MASP1: variants seen among roughly 807,000 people sequenced by gnomAD.
The protein encoded by MASP1 is MBL associated serine protease 1, also known as mannan-binding lectin serine protease 1.
Under a neutral mutation model 77.1 loss-of-function variants are expected in MASP1, and 59 were observed. That is an observed-to-expected ratio of 0.77 (90% CI 0.62 to 0.95). The LOEUF (loss-of-function observed/expected upper bound fraction) is 0.95, where lower values mean the gene tolerates loss of function less well. Among genes scored for constraint, MASP1 ranks in the 40% least tolerant of loss-of-function variants. The pLI, the probability that MASP1 is intolerant of heterozygous loss-of-function variation, is 0.00. For missense variants in MASP1, 885 were observed against 912.9 expected (o/e 0.97, Z 0.39); for synonymous variants, 362 against 354.5 (o/e 1.02, Z -0.24).
intron 7 of MASP1, 91 bp from the exon 8 acceptor site, chr3:187,250,420 C>T (rs777406005): frequency 1.1e-5 from 10 of 913,156 alleles, no homozygotes; most frequent in Admixed American, 3.4e-5. Flanking sequence ...AAGCTCCACA[C>T]GTGTCTTGAT....
chr3:187,288,063 A>G (rs1717999436), intron 1 of MASP1, among the ~76,000 whole-genome samples: 1 of 152,218 alleles, frequency 6.6e-6, no homozygotes, highest in African/African-American at 2.4e-5. Context: ...AAATGTTTAC[A>G]TTTGTCAAGA....
intron 7 of MASP1, 51 bp downstream of exon 7, chr3:187,251,583 C>T (rs779408474): frequency 1.0e-5 from 15 of 1,501,538 alleles, no homozygotes; most frequent in African/African-American, 5.5e-5. Context: ...GGGCAGGTTT[C>T]GAGAGTTTCT....
At chr3:187,257,759 A>G (rs1163400169) in intron 4 of MASP1, among the ~76,000 whole-genome samples, 1 of 152,184 alleles carries the variant, frequency 6.6e-6, no homozygotes, top group East Asian at 1.9e-4. Context: ...ATTTTTAAGT[A>G]GACTGTAATC....
chr3:187,267,317 A>C (rs1716122182), intron 2 of MASP1, among the ~76,000 whole-genome samples: 1 of 152,192 alleles, frequency 6.6e-6, no homozygotes, highest in Admixed American at 6.5e-5. Flanking sequence ...GCCTTTCTGA[A>C]ATCTGCTCAG....
At chr3:187,231,372 T>C (rs148208449), downstream of MASP1, among the ~76,000 whole-genome samples, 78 of 152,310 alleles carry the variant, frequency 5.1e-4, no homozygotes, top group African/African-American at 1.5e-3. Flanking sequence ...CATTCCACAG[T>C]CTCTCCTTCT....
chr3:187,250,369 TG>T, intron 7 of MASP1, 40 bp from the exon 8 acceptor site: 1 of 1,472,986 alleles, frequency 6.8e-7, no homozygotes, highest in South Asian at 1.1e-5. Flanking sequence ...AAGAAGGAGG[TG>T]GGGGTGGTGT....
intron 2 of MASP1, among the ~76,000 whole-genome samples, chr3:187,264,309 C>T (rs192794645): frequency 4.6e-5 from 7 of 152,284 alleles, no homozygotes; most frequent in Admixed American, 2.0e-4. Flanking sequence ...AGATACCAGC[C>T]GAACTCACAC....
chr3:187,260,256 G>C (rs887013711), intron 4 of MASP1, among the ~76,000 whole-genome samples: 1 of 152,158 alleles, frequency 6.6e-6, no homozygotes, highest in Non-Finnish European at 1.5e-5. Context: ...AAGATAGATA[G>C]AAGGAATGGG....
intron 1 of MASP1, among the ~76,000 whole-genome samples, chr3:187,288,418 G>A (rs1718029655): frequency 6.6e-6 from 1 of 152,304 alleles, no homozygotes; most frequent in African/African-American, 2.4e-5. Context: ...CTGGCCCTGG[G>A]TCAAAAGAGC....
At position 187,235,104 on chromosome 3, in the gene MASP1, C is replaced by A. The variant is rs187727021; in HGVS notation, c.*580G>T. ...CAAGAAGCTTTTGGGAGAGAAACCC[C>A]AGGCATGAAGGTGCTCCAAGGGATC... On this transcript the variant is annotated 3_prime_UTR_variant, in exon 11 of 11. Transcript: ENST00000296280. The A allele has an allele frequency of 2.8e-5, 36 of 1,287,294 alleles. No homozygotes were observed. In the African/African-American group the frequency reaches 5.3e-4, roughly 19 times the overall value. The allele number at this position is 1,287,294 out of a possible 1,614,324, so 79.7% of individuals were successfully genotyped here. A position where few individuals can be genotyped will look rare whatever the true frequency, so the allele number is the denominator to read the frequency against.
exon 16 of MASP1, chr3:187,217,430 T>C (rs1711833217): frequency 6.6e-6 from 1 of 152,242 alleles, no homozygotes; most frequent in Admixed American, 6.5e-5. Flanking sequence ...ACAAACTGTA[T>C]TCTAGAGAGG....
intron 2 of MASP1, among the ~76,000 whole-genome samples, chr3:187,265,681 G>A (rs1015031989): frequency 6.6e-6 from 1 of 152,204 alleles, no homozygotes; most frequent in East Asian, 1.9e-4. Flanking sequence ...GAGAGGGGAA[G>A]TGACTTGCTC....
chr3:187,253,033 G>T, intron 6 of MASP1, 135 bp downstream of exon 6: 1 of 1,122,980 alleles, frequency 8.9e-7, no homozygotes, highest in Non-Finnish European at 1.3e-6. Context: ...CACGTGCCTT[G>T]GTCCCCAGCT....
At position 187,251,771 on chromosome 3, in the gene MASP1, A is replaced by T. The variant is rs376810695; in HGVS notation, c.893-19T>A. ...TCATTTCCTGGTGAGGAGCAAATGAAAGAACAGCAGGTGAGAAAAGAGAAT... is the reference window on the plus strand; with the variant it reads ...TCATTTCCTGGTGAGGAGCAAATGATAGAACAGCAGGTGAGAAAAGAGAAT... On this transcript the variant is annotated intron_variant, in intron 6 of 10. Transcript: ENST00000296280. The T allele has an allele frequency of 8.8e-6, 14 of 1,582,214 alleles. No homozygotes were observed. Among genetic ancestry groups the T allele is most frequent in the Non-Finnish European group, 1.2e-5 (14 of 1,151,004 alleles).
downstream of MASP1, chr3:187,229,716 G>A (rs759646454): frequency 1.2e-6 from 2 of 1,610,480 alleles, no homozygotes; most frequent in South Asian, 2.2e-5. Context: ...CTCCAAGGAG[G>A]GGGTTCAGTT....
exon 16 of MASP1, chr3:187,219,832 G>C (rs1205011188): frequency 7.1e-6 from 4 of 561,766 alleles, no homozygotes; most frequent in Admixed American, 2.9e-5. Flanking sequence ...CACCTGCCCA[G>C]CACTGCAAAC....
chr3:187,242,320 T>C (rs1314381067), intron 9 of MASP1: 1 of 152,294 alleles, frequency 6.6e-6, no homozygotes, highest in African/African-American at 2.4e-5. Flanking sequence ...GAGACCAGCC[T>C]GACCAACATG....
chr3:187,225,400 C>T (rs1422823193), exon 13 of MASP1: 4 of 1,614,034 alleles, frequency 2.5e-6, no homozygotes, highest in African/African-American at 2.7e-5. Context: ...ACAGCTCCAC[C>T]AGAGCCACGT....
At chr3:187,224,529 G>A (rs1712281720) in intron 13 of MASP1, among the ~76,000 whole-genome samples, 1 of 151,654 alleles carries the variant, frequency 6.6e-6, no homozygotes. Context: ...TGTATTTTTA[G>A]TAGAGACGGG....
Sources: gnomAD v4.1 joint callset for allele counts (sites outside exome capture counted in the v4.1 genomes callset) on GRCh38, gnomAD v4.1.1 for gene constraint, MANE v1.5 for transcripts, NCBI Gene and HGNC (gene_info 2026-07-23, HGNC 2026-07-21) for gene names.